DSCAM: variants seen among roughly 807,000 people sequenced by gnomAD.
The protein encoded by DSCAM is DS cell adhesion molecule, also known as cell adhesion molecule DSCAM.
A neutral mutation model predicts 217.7 loss-of-function variants in DSCAM; 47 were observed. The ratio of observed to expected loss-of-function variants is 0.22; its 90% confidence interval spans 0.17 to 0.28. The LOEUF is 0.28. Among genes scored for constraint, DSCAM ranks in the 10% least tolerant of loss-of-function variants. The pLI is 1.00. For missense variants in DSCAM, 2,080 were observed against 2,618.3 expected (o/e 0.79, Z 4.49); for synonymous variants, 1,056 against 1,015.3 (o/e 1.04, Z -0.76).
At chr21:40,706,483 T>A (rs1192246930) in intron 2 of DSCAM, among the ~76,000 whole-genome samples, 1 of 152,182 alleles carries the variant, frequency 6.6e-6, no homozygotes, top group Non-Finnish European at 1.5e-5. Context: ...AATTTAAGAA[T>A]GAGAATCCCT....
intron 3 of DSCAM, among the ~76,000 whole-genome samples, chr21:40,518,680 ATG>A (rs1198472792): frequency 1.3e-4 from 17 of 135,982 alleles, no homozygotes; most frequent in Middle Eastern, 3.8e-3. Context: ...ATGTGTGTGT[ATG>A]TATATATATG....
chr21:40,065,509 A>G (rs1007035836), intron 27 of DSCAM, among the ~76,000 whole-genome samples: 1 of 152,164 alleles, frequency 6.6e-6, no homozygotes, highest in African/African-American at 2.4e-5. Flanking sequence ...TTGGCCACCT[A>G]ATGAATGTTG....
intron 30 of DSCAM, among the ~76,000 whole-genome samples, chr21:40,051,680 T>C (rs2088934022): frequency 6.6e-6 from 1 of 152,240 alleles, no homozygotes; most frequent in Non-Finnish European, 1.5e-5. Flanking sequence ...ATTACTTTTT[T>C]CCTTTTCTGT....
At chr21:40,785,407 AC>A (rs2091583685) in intron 1 of DSCAM, among the ~76,000 whole-genome samples, 1 of 152,248 alleles carries the variant, frequency 6.6e-6, no homozygotes, top group Admixed American at 6.5e-5. Flanking sequence ...TTGTGGTCCC[AC>A]CATGGAAAAG....
chr21:40,175,029 G>A (rs1293525692), intron 15 of DSCAM, among the ~76,000 whole-genome samples: 2 of 152,152 alleles, frequency 1.3e-5, no homozygotes, highest in Non-Finnish European at 1.5e-5. Context: ...TTTTCTGCAT[G>A]AAGTCCTTGT....
At chr21:40,044,572 AT>A (rs2088813028) in intron 30 of DSCAM, among the ~76,000 whole-genome samples, 1 of 152,336 alleles carries the variant, frequency 6.6e-6, no homozygotes, top group South Asian at 2.1e-4. Flanking sequence ...CCCTTCTAAC[AT>A]TAAAAGCTAG....
intron 11 of DSCAM, among the ~76,000 whole-genome samples, chr21:40,220,264 T>A (rs1157962280): frequency 6.6e-6 from 1 of 152,180 alleles, no homozygotes; most frequent in Non-Finnish European, 1.5e-5. Flanking sequence ...TCTTTCTCCA[T>A]GAACCAACCT....
intron 5 of DSCAM, 21 bp from the exon 6 acceptor site, chr21:40,347,966 G>A (rs1569077216): frequency 6.3e-7 from 1 of 1,596,582 alleles, no homozygotes; most frequent in Non-Finnish European, 8.5e-7. Context: ...TAGTAAGAGA[G>A]AGAGAAAAAA....
At chr21:40,318,030 T>G (rs896312000) in intron 8 of DSCAM, among the ~76,000 whole-genome samples, 37 of 152,166 alleles carry the variant, frequency 2.4e-4, no homozygotes, top group African/African-American at 8.7e-4. Context: ...CTGTATAGTA[T>G]TCCATGGTGT....
chr21:40,268,522 T>A (rs1399773832), intron 11 of DSCAM, among the ~76,000 whole-genome samples: 1 of 151,758 alleles, frequency 6.6e-6, no homozygotes, highest in Non-Finnish European at 1.5e-5. Flanking sequence ...AACATTGAAA[T>A]AGGCGCAATT....
intron 3 of DSCAM, among the ~76,000 whole-genome samples, chr21:40,500,954 G>A (rs1403909911): frequency 2.6e-5 from 4 of 152,252 alleles, no homozygotes; most frequent in Non-Finnish European, 5.9e-5. Flanking sequence ...TGGTAGGTAT[G>A]CAGCACGAGG....
chr21:40,167,341 C>A (rs1036497153), intron 15 of DSCAM, 53 bp from the exon 16 acceptor site: 2 of 1,550,360 alleles, frequency 1.3e-6, no homozygotes, highest in Non-Finnish European at 1.8e-6. Flanking sequence ...CGGAGCAGAT[C>A]GAAGCCTACA....
At chr21:40,223,353 C>G (rs1438342104) in intron 11 of DSCAM, among the ~76,000 whole-genome samples, 1 of 152,194 alleles carries the variant, frequency 6.6e-6, no homozygotes, top group Non-Finnish European at 1.5e-5. Flanking sequence ...GTTGAACTTG[C>G]CATCATCACC....
intron 3 of DSCAM, among the ~76,000 whole-genome samples, chr21:40,402,049 CTTTTTTTT>C (rs71186933): frequency 1.7e-3 from 99 of 58,258 alleles, no homozygotes; most frequent in African/African-American, 3.6e-3. Flanking sequence ...ATTCTTATTC[CTTTTTTTT>C]TTTTTTTTTT....
intron 1 of DSCAM, among the ~76,000 whole-genome samples, chr21:40,829,841 T>G (rs2091998798): frequency 6.6e-6 from 1 of 152,224 alleles, no homozygotes; most frequent in Non-Finnish European, 1.5e-5. Flanking sequence ...TTTTCGTGAC[T>G]GAGCCTCTCA....
chr21:40,272,978 G>A (rs974021147), intron 11 of DSCAM, among the ~76,000 whole-genome samples: 1 of 152,114 alleles, frequency 6.6e-6, no homozygotes, highest in African/African-American at 2.4e-5. Flanking sequence ...CTCCAGGGCT[G>A]AGCTTTGGAC....
Position 40,531,856 on chromosome 21 carries a change from C to T in DSCAM, c.508+160954G>A, listed in dbSNP as rs76846918. 6.5e-3 allele frequency among the ~76,000 whole-genome samples: 994 copies of T among 152,278 alleles called. 17 individuals are homozygous for T. Among genetic ancestry groups the T allele is most frequent in the African/African-American group, 0.023 (950 of 41,540 alleles). On this transcript the variant is annotated intron_variant, in intron 3 of 32. Coordinates refer to ENST00000400454, the MANE Select transcript of DSCAM (RefSeq NM_001389.5). Reference sequence around the variant, plus strand: ...TTGGCAGGTTCTGCATCCAGCATCCCACTCAATGCTCTGCACAGCTGTCTA... The same window carrying T: ...TTGGCAGGTTCTGCATCCAGCATCCTACTCAATGCTCTGCACAGCTGTCTA...
chr21:40,207,633 T>A (rs1416963451), intron 11 of DSCAM, among the ~76,000 whole-genome samples: 1 of 152,222 alleles, frequency 6.6e-6, no homozygotes, highest in Non-Finnish European at 1.5e-5. Flanking sequence ...ATAAGTGGCA[T>A]ATTATTCAGC....
chr21:40,227,434 G>A (rs2091343488), intron 11 of DSCAM, among the ~76,000 whole-genome samples: 1 of 152,206 alleles, frequency 6.6e-6, no homozygotes, highest in South Asian at 2.1e-4. Context: ...TCACAAGACT[G>A]AGGCTGATAG....
Sources: gnomAD v4.1 joint callset for allele counts (sites outside exome capture counted in the v4.1 genomes callset) on GRCh38, gnomAD v4.1.1 for gene constraint, MANE v1.5 for transcripts, NCBI Gene and HGNC (gene_info 2026-07-23, HGNC 2026-07-21) for gene names.